CCDC126: variants seen among roughly 807,000 people sequenced by gnomAD.
The protein encoded by CCDC126 is coiled-coil domain-containing protein 126.
In CCDC126, 5 loss-of-function variants were observed where a neutral mutation model predicts 11.7. The ratio of observed to expected loss-of-function variants is 0.43; its 90% CI spans 0.22 to 0.90. The LOEUF (loss-of-function observed/expected upper bound fraction) is 0.90, where lower values mean the gene tolerates loss of function less well. CCDC126 is among the 40% of genes least tolerant of loss of function. The pLI is 0.27. For synonymous variants in CCDC126, 60 were observed against 61.9 expected (o/e 0.97, Z 0.14); for missense variants, 150 against 163.1 (o/e 0.92, Z 0.44).
chr7:23,642,051 G>A (rs1049179787), intron 3 of CCDC126, among the ~76,000 whole-genome samples: 6 of 151,978 alleles, frequency 3.9e-5, no homozygotes, highest in Admixed American at 6.6e-5. Flanking sequence ...TTGCTCTGTC[G>A]CCCAGGCTGG....
At chr7:23,635,472 T>C (rs1351854187) in intron 3 of CCDC126, among the ~76,000 whole-genome samples, 1 of 152,260 alleles carries the variant, frequency 6.6e-6, no homozygotes, top group African/African-American at 2.4e-5. Flanking sequence ...TCTCATGACA[T>C]GTAAACATAA....
intron 3 of CCDC126, among the ~76,000 whole-genome samples, chr7:23,622,072 GTATC>G (rs1425367636): frequency 6.6e-6 from 1 of 152,108 alleles, no homozygotes; most frequent in African/African-American, 2.4e-5. Context: ...CCAGGCTTTG[GTATC>G]AGGATGATGC....
At chr7:23,637,028 G>T (rs1296983497) in intron 3 of CCDC126, among the ~76,000 whole-genome samples, 3 of 90,702 alleles carry the variant, frequency 3.3e-5, no homozygotes, top group Non-Finnish European at 2.3e-5. Flanking sequence ...GAAGGGGGAG[G>T]GGGGGTCAGC....
intron 3 of CCDC126, among the ~76,000 whole-genome samples, chr7:23,617,709 G>C (rs893529574): frequency 6.6e-6 from 1 of 152,110 alleles, no homozygotes; most frequent in Non-Finnish European, 1.5e-5. Flanking sequence ...GGTATTCCCA[G>C]GCCACTTTCA....
intron 3 of CCDC126, among the ~76,000 whole-genome samples, chr7:23,620,235 CAG>C (rs1782868461): frequency 6.8e-6 from 1 of 147,536 alleles, no homozygotes; most frequent in Non-Finnish European, 1.5e-5. Context: ...ACATCCTCTC[CAG>C]CACCTGTTGT....
intron 2 of CCDC126, among the ~76,000 whole-genome samples, chr7:23,607,272 C>T (rs528806317): frequency 6.6e-6 from 1 of 152,208 alleles, no homozygotes; most frequent in African/African-American, 2.4e-5. Context: ...AGAACTATGC[C>T]AGATGGTAGC....
chr7:23,606,633 CCTT>C (rs1782627962), intron 2 of CCDC126, among the ~76,000 whole-genome samples: 1 of 152,130 alleles, frequency 6.6e-6, no homozygotes, highest in African/African-American at 2.4e-5. Context: ...TGTCCCCTCT[CCTT>C]AGTTATTCTA....
intron 3 of CCDC126, among the ~76,000 whole-genome samples, chr7:23,631,305 A>G (rs751494404): frequency 6.6e-6 from 1 of 152,254 alleles, no homozygotes; most frequent in Non-Finnish European, 1.5e-5. Flanking sequence ...CAGGAATGAA[A>G]AAATGAATAT....
chr7:23,597,755 G>C (rs1329159174), intron 1 of CCDC126, 150 bp downstream of exon 1: 1 of 152,134 alleles, frequency 6.6e-6, no homozygotes, highest in African/African-American at 2.4e-5. Context: ...GGAACGGGCC[G>C]GCAGCCTCCG....
chr7:23,633,375 T>A (rs930410319), intron 3 of CCDC126, among the ~76,000 whole-genome samples: 18 of 151,722 alleles, frequency 1.2e-4, no homozygotes, highest in African/African-American at 4.1e-4. Context: ...AGAAGGTAGC[T>A]ATATTAAAAA....
At chr7:23,634,876 C>A (rs1313640532) in intron 3 of CCDC126, among the ~76,000 whole-genome samples, 3 of 152,194 alleles carry the variant, frequency 2.0e-5, no homozygotes, top group African/African-American at 7.2e-5. Context: ...ACTACATTCT[C>A]CCTCTCTTCC....
intron 3 of CCDC126, among the ~76,000 whole-genome samples, chr7:23,638,267 A>G (rs1351794817): frequency 2.6e-5 from 4 of 151,528 alleles, no homozygotes; most frequent in African/African-American, 4.8e-5. Flanking sequence ...GTTTTGTGGA[A>G]TAGAAAGGCG....
At chr7:23,619,302 A>T (rs1782848213) in intron 3 of CCDC126, 1 of 266,332 alleles carries the variant, frequency 3.8e-6, no homozygotes, top group Non-Finnish European at 7.2e-6. Flanking sequence ...ACAAACCTGC[A>T]CATCTGAAGA....
Position 23,606,637 on chromosome 7 carries a change from A to G in CCDC126, c.-145-4534A>G, listed in dbSNP as rs191570644. Among the ~76,000 whole-genome samples the G allele has an allele frequency of 2.6e-5, 4 of 152,230 alleles. No homozygotes were observed. In the East Asian group the frequency reaches 5.8e-4, roughly 22 times the overall value. On this transcript the variant is annotated intron_variant, in intron 2 of 3. Coordinates refer to ENST00000307471, the MANE Select transcript of CCDC126 (RefSeq NM_138771.4). ...CATTTTAAGTGTGTCCCCTCTCCTT[A>G]GTTATTCTACTTTTGTGCCATATAG...
chr7:23,600,396 A>C (rs1290639092), intron 2 of CCDC126, among the ~76,000 whole-genome samples: 1 of 112,948 alleles, frequency 8.9e-6, no homozygotes, highest in Non-Finnish European at 1.8e-5. Flanking sequence ...CCACCACCAT[A>C]TTAGCCTCAG....
At chr7:23,613,169 G>A (rs1421418801) in intron 3 of CCDC126, among the ~76,000 whole-genome samples, 3 of 152,104 alleles carry the variant, frequency 2.0e-5, no homozygotes, top group African/African-American at 4.8e-5. Flanking sequence ...AAGTTAGTGG[G>A]GCGTGGTGGC....
At chr7:23,625,978 T>C (rs1783008591) in intron 3 of CCDC126, among the ~76,000 whole-genome samples, 1 of 151,826 alleles carries the variant, frequency 6.6e-6, no homozygotes, top group Non-Finnish European at 1.5e-5. Flanking sequence ...TTTATAAAGA[T>C]GCTAATGCTG....
rs1375438320 is a variant in CCDC126 at position 23,644,402 on chromosome 7, C to G, written c.*1287C>G. On this transcript the variant is annotated 3_prime_UTR_variant, in exon 4 of 4. Transcript: ENST00000307471. ...CTCTATAGTAACTGCTTAAGTGCAG[C>G]TAGCTTCTAGATTTAGACTATATAG... is the stretch of plus-strand genomic sequence containing the variant. The G allele has an allele frequency of 6.6e-6, 1 of 152,458 alleles. No homozygotes were observed. The highest frequency in any genetic ancestry group is 1.5e-5 in the Non-Finnish European group (1 of 67,946). The allele number at this position is 152,458 out of a possible 1,614,324, so 9.4% of individuals were successfully genotyped here.
At chr7:23,623,275 A>G (rs1782955281) in intron 3 of CCDC126, among the ~76,000 whole-genome samples, 1 of 151,114 alleles carries the variant, frequency 6.6e-6, no homozygotes, top group South Asian at 2.1e-4. Context: ...TCACTTTTTG[A>G]TGCTGTTTTG....
Sources: allele counts gnomAD v4.1 joint callset (sites outside exome capture counted in the v4.1 genomes callset), GRCh38; gene constraint gnomAD v4.1.1; transcripts MANE v1.5; gene names NCBI Gene and HGNC (gene_info 2026-07-23, HGNC 2026-07-21).